The following ZNF444 variants were observed in gnomAD, a reference collection of about 807,000 sequenced individuals.
The protein encoded by ZNF444 is endothelial zinc finger protein 2.
Under a neutral mutation model 14.4 loss-of-function variants are expected in ZNF444, and 8 were observed. The ratio of observed to expected loss-of-function variants is 0.56; its 90% confidence interval spans 0.33 to 1.00. ZNF444 has a LOEUF of 1.00. Among genes scored for constraint, ZNF444 ranks in the 50% least tolerant of loss-of-function variants. The probability of loss-of-function intolerance (pLI) is 0.03; values close to 1 mark genes in which losing one functional copy is unlikely to be tolerated. For missense variants in ZNF444, 510 were observed against 504.8 expected, an observed-to-expected ratio of 1.01 and a Z score of -0.10; for synonymous variants, 258 against 235.9, an observed-to-expected ratio of 1.09 and a Z score of -0.86.
chr19:56,143,355 A>G (rs926089526), intron 1 of ZNF444: 6 of 152,228 alleles, frequency 3.9e-5, no homozygotes, highest in African/African-American at 1.4e-4. Flanking sequence ...GGCCTGTGGC[A>G]TTGCTCTCTG....
chr19:56,146,989 C>T lies in ZNF444; in HGVS notation c.78C>T (p.Phe26=). 6.9e-7 allele frequency: 1 copy of T among 1,441,504 alleles called. No individual in the cohort carries two copies. Among genetic ancestry groups the T allele is most frequent in the South Asian group, 1.4e-5 (1 of 69,068 alleles). 89.3% of individuals were successfully genotyped at this position (1,441,504 alleles called of 1,614,324 possible). The change falls in exon 3 of 5, where the codon TTC becomes TTT. Residue 26 remains phenylalanine (F), a synonymous_variant. Coordinates refer to ENST00000337080, the MANE Select transcript of ZNF444 (RefSeq NM_018337.4). ...LDSPWHRFRR[F]HLGDAPGPRE... is the part of the protein sequence containing the mutation. ...CCCCGTGGCACCGCTTCCGCCGCTT[C>T]CACCTGGGCGACGCGCCGGGCCCGC... is the stretch of plus-strand genomic sequence containing the variant.
upstream of ZNF444, among the ~76,000 whole-genome samples, chr19:56,138,321 A>G (rs2030657976): frequency 6.6e-6 from 1 of 152,016 alleles, no homozygotes; most frequent in African/African-American, 2.4e-5. Flanking sequence ...TGAAGTATTA[A>G]TGTGGTCAAA....
At chr19:56,135,116 AG>A (rs1469500584) in intron 1 of ZNF444, among the ~76,000 whole-genome samples, 3 of 152,174 alleles carry the variant, frequency 2.0e-5, no homozygotes, top group Non-Finnish European at 4.4e-5. Flanking sequence ...CTGTAGTCCC[AG>A]CTACTGGGGA....
intron 1 of ZNF444, among the ~76,000 whole-genome samples, chr19:56,136,053 G>C (rs2123452414): frequency 7.0e-6 from 1 of 143,188 alleles, no homozygotes; most frequent in South Asian, 2.3e-4. Flanking sequence ...CTGCACTCCA[G>C]CCTGGGTGAC....
rs2032134503 is a variant in ZNF444, at chr19:56,159,517, C to T, written c.407-107C>T. 4 of 1,006,690 alleles carry T rather than the reference C, an allele frequency of 4.0e-6. No homozygotes were observed. The African/African-American group carries it at 5.0e-5, about 13-fold the overall frequency. 62.4% of individuals were successfully genotyped at this position (1,006,690 alleles called of 1,614,324 possible). A position where few individuals can be genotyped will look rare whatever the true frequency, so the allele number is the denominator to read the frequency against. ...CCACAGCCCAGCCCTCTTCCCACCC[C>T]AATGGTTTCTGCCTTTAAGCGTTCC... is the stretch of plus-strand genomic sequence containing the variant. On this transcript the variant is annotated intron_variant, in intron 4 of 4. Coordinates refer to ENST00000337080, the MANE Select transcript of ZNF444 (RefSeq NM_018337.4).
chr19:56,155,966 A>T (rs1040941397), intron 3 of ZNF444: 8 of 152,326 alleles, frequency 5.3e-5, no homozygotes, highest in Admixed American at 3.3e-4. Flanking sequence ...GCCAGTCACA[A>T]GCCCCAGGTT....
At chr19:56,152,785 G>T (rs761691669) in intron 3 of ZNF444, among the ~76,000 whole-genome samples, 1 of 152,110 alleles carries the variant, frequency 6.6e-6, no homozygotes, top group Non-Finnish European at 1.5e-5. Flanking sequence ...GGCAGAAGGG[G>T]TGAAGGGGTC....
At position 56,144,308 on chromosome 19, in the gene ZNF444, T is replaced by TA. The variant is rs201301498; in HGVS notation, c.-196-1931dup. Among the ~76,000 whole-genome samples the TA allele has an allele frequency of 5.0e-4, 75 of 150,018 alleles. No individual in the cohort carries two copies. The highest frequency in any genetic ancestry group is 1.8e-3 in the African/African-American group (71 of 40,496). ...TGGGCGACAGAGAGAGACCCTGTCT[T>TA]AAAAAAAAGAAAAAAGAAAAAAAGG... On this transcript the variant is annotated intron_variant, in intron 1 of 4. Transcript: ENST00000337080. The surrounding 1 kb of genome is among the most constrained non-coding windows in gnomAD (Gnocchi z 4.0).
At chr19:56,153,630 G>A (rs897906315) in intron 3 of ZNF444, among the ~76,000 whole-genome samples, 1 of 152,216 alleles carries the variant, frequency 6.6e-6, no homozygotes, top group Admixed American at 6.5e-5. Context: ...CTCAGCATCT[G>A]GCCTCAGGCA....
chr19:56,159,943 T>A lies in ZNF444; in HGVS notation c.726T>A (p.Pro242=), dbSNP rs995171042. 1 of 1,499,500 alleles carries A rather than the reference T, an allele frequency of 6.7e-7. No individual in the cohort carries two copies. Among genetic ancestry groups the A allele is most frequent in the Non-Finnish European group, 8.8e-7 (1 of 1,130,622 alleles). 92.9% of individuals were successfully genotyped at this position (1,499,500 alleles called of 1,614,324 possible). A position where few individuals can be genotyped will look rare whatever the true frequency, so the allele number is the denominator to read the frequency against. The part of the protein sequence containing the change: ...SPGSPGPALR[P]LPAREKPHAC... ...GCAGCCCCGGGCCCGCGCTGCGCCC[T>A]CTGCCCGCCCGTGAGAAGCCCCACG... The change falls in exon 5 of 5, where the codon CCT becomes CCA. Residue 242 remains proline, a synonymous_variant. Coordinates refer to ENST00000337080, the MANE Select transcript of ZNF444 (RefSeq NM_018337.4).
At chr19:56,150,062 G>GTAGATCTC in intron 3 of ZNF444, 1 of 162,450 alleles carries the variant, frequency 6.2e-6, no homozygotes, top group South Asian at 1.7e-4. Flanking sequence ...AAGGTGAAGT[G>GTAGATCTC]GGGGTGGAAC....
chr19:56,142,618 C>T (rs973050975), intron 1 of ZNF444, among the ~76,000 whole-genome samples: 2 of 152,174 alleles, frequency 1.3e-5, no homozygotes, highest in Admixed American at 6.5e-5. Flanking sequence ...GTAGACAAAC[C>T]GGTCTTTGTC....
At chr19:56,133,964 G>T (rs1054293454) in intron 1 of ZNF444, among the ~76,000 whole-genome samples, 21 of 152,090 alleles carry the variant, frequency 1.4e-4, no homozygotes, top group African/African-American at 4.8e-4. Context: ...CCTGTTGCCT[G>T]GGAAGCCAAA....
At chr19:56,133,236 C>T (rs1341908923) in intron 1 of ZNF444, among the ~76,000 whole-genome samples, 10 of 151,782 alleles carry the variant, frequency 6.6e-5, no homozygotes, top group Admixed American at 2.6e-4. Flanking sequence ...CCATGCCCGG[C>T]TAATTTTTGT....
intron 3 of ZNF444, chr19:56,156,679 A>T (rs1170363812): frequency 1.3e-5 from 2 of 152,276 alleles, no homozygotes; most frequent in African/African-American, 4.8e-5. Flanking sequence ...TCCCATCGTT[A>T]GAACAAGACC....
chr19:56,143,450 G>A (rs1351861817), intron 1 of ZNF444: 1 of 152,242 alleles, frequency 6.6e-6, no homozygotes, highest in African/African-American at 2.4e-5. Context: ...GATCTGGCCT[G>A]GGTCTTCCGA....
At chr19:56,156,314 C>G (rs531032636) in intron 3 of ZNF444, 1 of 152,210 alleles carries the variant, frequency 6.6e-6, no homozygotes, top group Non-Finnish European at 1.5e-5. Flanking sequence ...TTTATGGAGA[C>G]TTGGTTGAGA....
In ZNF444 at chr19:56,146,897, G is replaced by A; in HGVS notation, c.-15G>A. ...CCGGCTTGTTCCCTGCAGGCGCTGCGGTCCGGGAGGCCCCATGGAGGTGGC... is the reference window on the plus strand; with the variant it reads ...CCGGCTTGTTCCCTGCAGGCGCTGCAGTCCGGGAGGCCCCATGGAGGTGGC... On this transcript the variant is annotated 5_prime_UTR_variant, in exon 3 of 5. Coordinates refer to ENST00000337080, the MANE Select transcript of ZNF444 (RefSeq NM_018337.4). 2.1e-6 allele frequency: 3 copies of A among 1,396,922 alleles called. No homozygotes were observed. Among genetic ancestry groups the A allele is most frequent in the South Asian group, 1.6e-5 (1 of 62,268 alleles). 86.5% of individuals were successfully genotyped at this position (1,396,922 alleles called of 1,614,324 possible). A position where few individuals can be genotyped will look rare whatever the true frequency, so the allele number is the denominator to read the frequency against.
Position 56,160,484 on chromosome 19 carries a change from T to G in ZNF444, c.*283T>G. 5.5e-6 allele frequency: 2 copies of G among 363,258 alleles called. No homozygotes were observed. The highest frequency in any genetic ancestry group is 5.0e-5 in the East Asian group (1 of 20,108). The allele number at this position is 363,258 out of a possible 1,614,324, so 22.5% of individuals were successfully genotyped here. On this transcript the variant is annotated 3_prime_UTR_variant, in exon 5 of 5. Coordinates refer to ENST00000337080, the MANE Select transcript of ZNF444 (RefSeq NM_018337.4). ...GGGCCTCTCCCTAATGTCTCCTCCTTCCCCCCTCTTCTCTCTCCTGCGGCC... is the reference window on the plus strand; with the variant it reads ...GGGCCTCTCCCTAATGTCTCCTCCTGCCCCCCTCTTCTCTCTCCTGCGGCC...
Sources: gnomAD v4.1 joint callset for allele counts (sites outside exome capture counted in the v4.1 genomes callset) on GRCh38, gnomAD v4.1.1 for gene constraint, Gnocchi (gnomAD v3.1) non-coding constraint, MANE v1.5 for transcripts, NCBI Gene and HGNC (gene_info 2026-07-23, HGNC 2026-07-21) for gene names.